The following OXNAD1 variants were observed in gnomAD, a reference collection of about 807,000 sequenced individuals.
The protein encoded by OXNAD1 is oxidoreductase NAD binding domain containing 1, also known as oxidoreductase NAD-binding domain-containing protein 1.
In OXNAD1, 34 loss-of-function variants were observed where a neutral mutation model predicts 32.9. The observed-to-expected ratio is 1.03, with a 90% CI of 0.79 to 1.38. The LOEUF (loss-of-function observed/expected upper bound fraction) is 1.38, where lower values mean the gene tolerates loss of function less well. OXNAD1 is among the 40% of genes most tolerant of loss of function. The probability of loss-of-function intolerance (pLI) is 0.00; values close to 1 mark genes in which losing one functional copy is unlikely to be tolerated. For missense variants in OXNAD1, 407 were observed against 379.4 expected (o/e 1.07, Z -0.60); for synonymous variants, 134 against 135.2 (o/e 0.99, Z 0.06).
rs2067499647 is a variant in OXNAD1, at chr3:16,305,688, A to T, written c.*2126A>T. 1 of 152,216 alleles carries T rather than the reference A, an allele frequency of 6.6e-6. No homozygotes were observed. The highest frequency in any genetic ancestry group is 2.4e-5 in the African/African-American group (1 of 41,456). The allele number at this position is 152,216 out of a possible 1,614,324, so 9.4% of individuals were successfully genotyped here. On this transcript the variant is annotated 3_prime_UTR_variant, in exon 9 of 9. Transcript: ENST00000285083. This position sits in a 1 kb window ranked among gnomAD's most constrained non-coding sequence, Gnocchi z 4.5. ...CTTGAGCCAGATTGCCTGGGTTCAGATCTCACCTATACTACTTACTAGGTA... is the reference window on the plus strand; with the variant it reads ...CTTGAGCCAGATTGCCTGGGTTCAGTTCTCACCTATACTACTTACTAGGTA...
rs1179478187 is a variant in OXNAD1, at chr3:16,345,825, CGCGT to C, written c.*31-3347_*31-3344del. On this transcript the variant is annotated intron_variant, in intron 9 of 9. Transcript: ENST00000606098. The surrounding 1 kb of genome is among the most constrained non-coding windows in gnomAD (Gnocchi z 5.2). ...GTGTGTGTGTGTGTGTGTGCGCGCG[CGCGT>C]GCGCGCACGCGCACATGTGCATGTG... Among the ~76,000 whole-genome samples, 1,116 of 88,168 alleles carry C rather than the reference CGCGT, an allele frequency of 0.013. 18 individuals are homozygous for C. The highest frequency in any genetic ancestry group is 0.043 in the African/African-American group (1,024 of 23,834). 57.8% of individuals were successfully genotyped at this position (88,168 alleles called of 152,430 possible).
At chr3:16,294,539 T>C (rs2066642990) in intron 5 of OXNAD1, among the ~76,000 whole-genome samples, 2 of 152,198 alleles carry the variant, frequency 1.3e-5, no homozygotes, top group African/African-American at 4.8e-5. Context: ...TGGGAAGTTT[T>C]AAAATTATTA....
intron 9 of OXNAD1, among the ~76,000 whole-genome samples, chr3:16,318,855 C>A (rs1017238499): frequency 1.3e-5 from 2 of 152,184 alleles, no homozygotes; most frequent in African/African-American, 4.8e-5. Flanking sequence ...ATGGGTGGAG[C>A]TTCTTCCACC....
chr3:16,331,390 A>T (rs1203757063), intron 9 of OXNAD1, among the ~76,000 whole-genome samples: 1 of 152,210 alleles, frequency 6.6e-6, no homozygotes, highest in East Asian at 1.9e-4. Context: ...CCAAATGGTT[A>T]TTTTGTAATT....
rs897225831 is a variant in OXNAD1 at position 16,284,555 on chromosome 3, G to A, written c.184-1787G>A. On this transcript the variant is annotated intron_variant, in intron 4 of 8. Coordinates refer to ENST00000285083, the MANE Select transcript of OXNAD1 (RefSeq NM_138381.5). This position sits in a 1 kb window ranked among gnomAD's most constrained non-coding sequence, Gnocchi z 4.1. ...AACATAGAAAAATAGTAAAAATCTG[G>A]TATTATGGGATCACCTTGTATATGT... 6.6e-6 allele frequency among the ~76,000 whole-genome samples: 1 copy of A among 152,190 alleles called. No individual in the cohort carries two copies. The highest frequency in any genetic ancestry group is 2.4e-5 in the African/African-American group (1 of 41,446).
At chr3:16,349,577 T>A (rs1295127566) in exon 10 of OXNAD1, 1 of 152,262 alleles carries the variant, frequency 6.6e-6, no homozygotes, top group Non-Finnish European at 1.5e-5. Context: ...TTTAAAATCA[T>A]GCTCAAAGCA....
chr3:16,308,446 GCTC>G (rs1202187302), downstream of OXNAD1, among the ~76,000 whole-genome samples: 5 of 151,970 alleles, frequency 3.3e-5, no homozygotes, highest in South Asian at 2.1e-4. The surrounding 1 kb of genome is among the most constrained non-coding windows in gnomAD (Gnocchi z 4.4). Flanking sequence ...ATGTCTTGTT[GCTC>G]CTATTTTTTT....
chr3:16,349,084 A>G (rs2125313778), intron 9 of OXNAD1: 1 of 152,370 alleles, frequency 6.6e-6, no homozygotes, highest in Non-Finnish European at 1.5e-5. Context: ...TTCTAAATGT[A>G]ATCTCTTCCC....
Position 16,317,041 on chromosome 3 carries a change from C to T in OXNAD1, c.*30+13449C>T, listed in dbSNP as rs775174618. 6.8e-6 allele frequency: 11 copies of T among 1,613,902 alleles called. No individual in the cohort carries two copies. The highest frequency in any genetic ancestry group is 3.3e-5 in the South Asian group (3 of 91,060). On this transcript the variant is annotated intron_variant, in intron 9 of 9. Transcript: ENST00000435829. The surrounding 1 kb of genome is among the most constrained non-coding windows in gnomAD (Gnocchi z 4.3). Reference sequence around the variant, plus strand: ...CCTTGTCCTCTTGGACAGGGCCCTTCATCTCCTCGGAGACTCCACCCTCCT... The same window carrying T: ...CCTTGTCCTCTTGGACAGGGCCCTTTATCTCCTCGGAGACTCCACCCTCCT...
intron 9 of OXNAD1, among the ~76,000 whole-genome samples, chr3:16,325,696 GC>G (rs2069620768): frequency 6.6e-6 from 1 of 152,182 alleles, no homozygotes; most frequent in Non-Finnish European, 1.5e-5. Context: ...CTCAAAAGTG[GC>G]CGCAGACTGG....
rs1279844582 is a variant in OXNAD1, at chr3:16,298,398, T to G, written c.433-3228T>G. ...TGGTCCTGGTCCACAGCTTCCTGCT[T>G]GGTTTCATGCCTCATTGGCATTTCA... On this transcript the variant is annotated intron_variant, in intron 6 of 8. Coordinates refer to ENST00000285083, the MANE Select transcript of OXNAD1 (RefSeq NM_138381.5). This position sits in a 1 kb window ranked among gnomAD's most constrained non-coding sequence, Gnocchi z 5.1. Among the ~76,000 whole-genome samples, 1 of 152,152 alleles carries G rather than the reference T, an allele frequency of 6.6e-6. No homozygotes were observed. The highest frequency in any genetic ancestry group is 1.5e-5 in the Non-Finnish European group (1 of 68,030).
rs1473892541 is a variant in OXNAD1 at position 16,327,809 on chromosome 3, G to A, written c.*31-9303G>A. On this transcript the variant is annotated intron_variant, in intron 9 of 9. Coordinates refer to the OXNAD1 transcript ENST00000435829. This position sits in a 1 kb window ranked among gnomAD's most constrained non-coding sequence, Gnocchi z 4.2. ...AAACTTCAGCCCCCTGCTAGCACAG[G>A]GAGAGAGCCCTGATGTGAGGCCCCT... 6.6e-6 allele frequency among the ~76,000 whole-genome samples: 1 copy of A among 151,952 alleles called. No homozygotes were observed. The highest frequency in any genetic ancestry group is 2.4e-5 in the African/African-American group (1 of 41,368).
At chr3:16,324,114 T>C (rs917246791) in intron 9 of OXNAD1, among the ~76,000 whole-genome samples, 1 of 152,236 alleles carries the variant, frequency 6.6e-6, no homozygotes, top group South Asian at 2.1e-4. Flanking sequence ...TGTTTTTTTT[T>C]TCCCCTGCTT....
At chr3:16,309,111 C>T (rs1319925150), downstream of OXNAD1, among the ~76,000 whole-genome samples, 1 of 152,176 alleles carries the variant, frequency 6.6e-6, no homozygotes, top group African/African-American at 2.4e-5. Context: ...ACATATACAA[C>T]TGTGGGTACC....
At chr3:16,279,139 T>C (rs543699519) in intron 4 of OXNAD1, among the ~76,000 whole-genome samples, 2 of 152,362 alleles carry the variant, frequency 1.3e-5, no homozygotes, top group Admixed American at 1.3e-4. Flanking sequence ...TGAGCAGTGC[T>C]TGACGCTCCT....
rs75360363 is a variant in OXNAD1, at chr3:16,321,810, G to A, written c.*31-15302G>A. ...ATCCTCTCTGAATTTTCCCTGAGGA[G>A]AGTCAGTTCAACCTTATTACAGCAG... On this transcript the variant is annotated intron_variant, in intron 9 of 9. Coordinates refer to the OXNAD1 transcript ENST00000435829. This position sits in a 1 kb window ranked among gnomAD's most constrained non-coding sequence, Gnocchi z 4.8. Among the ~76,000 whole-genome samples the A allele has an allele frequency of 0.033, 4,953 of 152,294 alleles. 111 individuals carry two copies. The highest frequency in any genetic ancestry group is 0.078 in the Middle Eastern group (23 of 294).
At chr3:16,307,998 G>T (rs1050350313), downstream of OXNAD1, among the ~76,000 whole-genome samples, 1 of 152,182 alleles carries the variant, frequency 6.6e-6, no homozygotes, top group Non-Finnish European at 1.5e-5. Context: ...TTAGGGAAGT[G>T]ACACCTTCTT....
chr3:16,349,442 T>C (rs1045676328), exon 10 of OXNAD1: 4 of 152,298 alleles, frequency 2.6e-5, no homozygotes, highest in African/African-American at 7.2e-5. Flanking sequence ...AGGAGGAATG[T>C]TGAGCCTGGA....
In OXNAD1 at chr3:16,342,649, G is replaced by A. The variant is rs2071391865; in HGVS notation, c.*31-6527G>A. Among the ~76,000 whole-genome samples the A allele has an allele frequency of 1.3e-5, 2 of 152,174 alleles. No individual in the cohort carries two copies. Among genetic ancestry groups the A allele is most frequent in the Non-Finnish European group, 1.5e-5 (1 of 68,026 alleles). Reference sequence around the variant, plus strand: ...AAAAAGTTATAAGAATGAAAGCAGAGGCCTCTTGGCCTCACTAGACTAGTT... The same window carrying A: ...AAAAAGTTATAAGAATGAAAGCAGAAGCCTCTTGGCCTCACTAGACTAGTT... On this transcript the variant is annotated intron_variant, in intron 9 of 9. Coordinates refer to the OXNAD1 transcript ENST00000606098. The surrounding 1 kb of genome is among the most constrained non-coding windows in gnomAD (Gnocchi z 4.0).
Sources: allele counts gnomAD v4.1 joint callset (sites outside exome capture counted in the v4.1 genomes callset), GRCh38; gene constraint gnomAD v4.1.1; non-coding constraint Gnocchi (gnomAD v3.1); transcripts MANE v1.5; gene names NCBI Gene and HGNC (gene_info 2026-07-23, HGNC 2026-07-21).